WDR47: variants seen among roughly 807,000 people sequenced by gnomAD.
WDR47 encodes WD repeat domain 47, also known as WD repeat-containing protein 47.
WDR47 carries 32 observed loss-of-function variants against 97.2 expected under a neutral mutation model. That is an observed-to-expected ratio of 0.33 (90% CI 0.25 to 0.44). The LOEUF (loss-of-function observed/expected upper bound fraction) is 0.44, where lower values mean the gene tolerates loss of function less well. Ranked by LOEUF, WDR47 falls within the 20% of genes least tolerant of loss-of-function variation. WDR47 has a pLI of 1.00. For synonymous variants in WDR47, 375 were observed against 373.5 expected (o/e 1.00, Z -0.05); for missense variants, 782 against 1,102.3 (o/e 0.71, Z 4.11).
intron 1 of WDR47, chr1:109,041,613 G>C (rs1262087425): frequency 6.6e-6 from 1 of 152,322 alleles, no homozygotes; most frequent in East Asian, 1.9e-4. Flanking sequence ...GTCCAGGACC[G>C]GTGACCTCGA....
chr1:108,991,002 T>G (rs1175429873), intron 9 of WDR47, among the ~76,000 whole-genome samples: 1 of 139,498 alleles, frequency 7.2e-6, no homozygotes, highest in Non-Finnish European at 1.6e-5. Context: ...TTTTTTTTTG[T>G]TTTTTTTTTT....
At chr1:109,015,088 G>A (rs1378734096) in intron 3 of WDR47, among the ~76,000 whole-genome samples, 2 of 152,128 alleles carry the variant, frequency 1.3e-5, no homozygotes, top group Non-Finnish European at 2.9e-5. Context: ...AAGACAATCA[G>A]AAGTGTACCA....
chr1:108,991,883 G>T (rs1046524072), intron 8 of WDR47, among the ~76,000 whole-genome samples: 1 of 151,828 alleles, frequency 6.6e-6, no homozygotes, highest in Non-Finnish European at 1.5e-5. Context: ...GGCTGCTCTC[G>T]AACTCCTGGG....
chr1:108,986,747 C>A, intron 9 of WDR47, 67 bp from the exon 10 acceptor site: 1 of 1,315,688 alleles, frequency 7.6e-7, no homozygotes, highest in Non-Finnish European at 1.0e-6. Context: ...ATCTTTCTCC[C>A]ATTTTAAATT....
chr1:108,994,369 C>T (rs535827398), intron 8 of WDR47, among the ~76,000 whole-genome samples: 1 of 152,220 alleles, frequency 6.6e-6, no homozygotes, highest in South Asian at 2.1e-4. Flanking sequence ...TGCATTCCAG[C>T]CCGGGCAACA....
At chr1:108,977,792 C>A (rs1180919208) in intron 13 of WDR47, among the ~76,000 whole-genome samples, 1 of 152,056 alleles carries the variant, frequency 6.6e-6, no homozygotes, top group Non-Finnish European at 1.5e-5. Flanking sequence ...TACACCATGG[C>A]ACTCCAGCCT....
chr1:109,030,506 AGGG>A (rs774222742), intron 1 of WDR47, among the ~76,000 whole-genome samples: 7 of 152,186 alleles, frequency 4.6e-5, no homozygotes, highest in Non-Finnish European at 8.8e-5. Context: ...TAAGAGAACT[AGGG>A]CACAGTCATT....
chr1:108,982,608 C>G lies in WDR47; in HGVS notation c.2266+1G>C. 1 of 1,591,248 alleles carries G rather than the reference C, an allele frequency of 6.3e-7. No homozygotes were observed. Among genetic ancestry groups the G allele is most frequent in the East Asian group, 2.2e-5 (1 of 44,672 alleles). ...CAGCACTTGAAACTGATATTACATA[C>G]CAGTATGTCCACTCAAAGCATGGAG... On this transcript the variant is annotated splice_donor_variant, in intron 12 of 14. Coordinates refer to ENST00000369962, the MANE Select transcript of WDR47 (RefSeq NM_001142551.2). LOFTEE classifies it high-confidence loss of function.
At chr1:109,004,801 TA>T in intron 5 of WDR47, 86 bp from the exon 6 acceptor site, 1 of 1,415,566 alleles carries the variant, frequency 7.1e-7, no homozygotes, top group Non-Finnish European at 9.3e-7. Flanking sequence ...TTTATTTTAT[TA>T]TTATTATTTT....
At chr1:108,980,805 G>A (rs752169748) in intron 13 of WDR47, among the ~76,000 whole-genome samples, 41 of 151,900 alleles carry the variant, frequency 2.7e-4, no homozygotes, top group Admixed American at 3.3e-4. Flanking sequence ...GCAGAATACT[G>A]TGTCACTCTT....
intron 4 of WDR47, among the ~76,000 whole-genome samples, chr1:109,013,036 G>A (rs770092677): frequency 5.9e-5 from 9 of 152,224 alleles, no homozygotes; most frequent in Non-Finnish European, 1.3e-4. Context: ...CCTTTGGGAG[G>A]TGACTAGGTC....
intron 2 of WDR47, among the ~76,000 whole-genome samples, chr1:109,021,909 A>G (rs1661877389): frequency 6.6e-6 from 1 of 151,886 alleles, no homozygotes; most frequent in African/African-American, 2.4e-5. Flanking sequence ...GTACAGTGGC[A>G]CCATCATGGC....
At chr1:109,038,994 T>TAATAAATA (rs200117651) in intron 1 of WDR47, among the ~76,000 whole-genome samples, 16 of 139,694 alleles carry the variant, frequency 1.1e-4, no homozygotes, top group Middle Eastern at 7.1e-3. Context: ...ATAACAATAA[T>TAATAAATA]AATAAATAAA....
chr1:109,019,236 AGCCAGGCGTGGTG>A (rs1661640857), intron 2 of WDR47, among the ~76,000 whole-genome samples: 1 of 152,078 alleles, frequency 6.6e-6, no homozygotes, highest in Non-Finnish European at 1.5e-5. Flanking sequence ...TACAAAAATT[AGCCAGGCGTGGTG>A]GCAGGTGCCT....
At chr1:108,980,963 T>C (rs1196209159) in intron 13 of WDR47, among the ~76,000 whole-genome samples, 4 of 151,250 alleles carry the variant, frequency 2.6e-5, no homozygotes, top group East Asian at 2.0e-4. Context: ...CCGTCTCTAC[T>C]AAAAAATGCA....
At chr1:108,992,217 T>TCAC in intron 8 of WDR47, 1 of 797,360 alleles carries the variant, frequency 1.3e-6, no homozygotes. Flanking sequence ...GAAAGACCTC[T>TCAC]TAGAAAATTA....
At chr1:109,029,628 C>T (rs1477186921) in intron 1 of WDR47, among the ~76,000 whole-genome samples, 2 of 151,166 alleles carry the variant, frequency 1.3e-5, no homozygotes, top group East Asian at 3.9e-4. Flanking sequence ...ACCAAGGTTG[C>T]GCCACTGTAC....
chr1:109,030,535 A>T (rs1662548332), intron 1 of WDR47, among the ~76,000 whole-genome samples: 1 of 152,170 alleles, frequency 6.6e-6, no homozygotes, highest in Admixed American at 6.5e-5. Flanking sequence ...CCTTATAGTT[A>T]TGACAAAAGT....
intron 8 of WDR47, 42 bp downstream of exon 8, chr1:108,995,538 A>T (rs1659678244): frequency 6.2e-7 from 1 of 1,604,832 alleles, no homozygotes; most frequent in South Asian, 1.1e-5. Flanking sequence ...AACCATTAGT[A>T]GTAAGTTAAT....
Sources: allele counts gnomAD v4.1 joint callset (sites outside exome capture counted in the v4.1 genomes callset), GRCh38; gene constraint gnomAD v4.1.1; transcripts MANE v1.5; gene names NCBI Gene and HGNC (gene_info 2026-07-23, HGNC 2026-07-21).